UBR4: variants seen among roughly 807,000 people sequenced by gnomAD.
UBR4 encodes the protein ubiquitin protein ligase E3 component n-recognin 4.
In UBR4, 124 loss-of-function variants were observed where a neutral mutation model predicts 575.6. The ratio of observed to expected loss-of-function variants is 0.22; its 90% CI spans 0.19 to 0.25. UBR4 has a LOEUF of 0.25. Among genes scored for constraint, UBR4 ranks in the 10% least tolerant of loss-of-function variants. The probability of loss-of-function intolerance (pLI) is 1.00; values close to 1 mark genes in which losing one functional copy is unlikely to be tolerated. For synonymous variants in UBR4, 2,455 were observed against 2,473.7 expected (o/e 0.99, Z 0.22); for missense variants, 4,818 against 6,478.8 (o/e 0.74, Z 8.80).
chr1:19,083,659 C>T (rs1210442344), intron 102 of UBR4, among the ~76,000 whole-genome samples: 2 of 152,194 alleles, frequency 1.3e-5, no homozygotes, highest in Admixed American at 6.5e-5. Flanking sequence ...CTCAGTCTCC[C>T]GAATAGCTGG....
Position 19,081,435 on chromosome 1 carries a change from C to T in UBR4, c.15147G>A (p.Glu5049=). 1 of 1,614,088 alleles carries T rather than the reference C, an allele frequency of 6.2e-7. No homozygotes were observed. The highest frequency in any genetic ancestry group is 1.1e-5 in the South Asian group (1 of 91,080). The change falls in exon 103 of 106, where the codon GAG becomes GAA. Residue 5049 remains glutamate, a synonymous_variant. Transcript: ENST00000375254. ...TVLALHILPP[E]QWRATRVEIL... is the part of the protein sequence containing the mutation. Reference sequence around the variant, plus strand: ...TTTCCACACGTGTGGCTCTCCACTGCTCAGGGGGCAGGATGTGAAGGGCCA... The same window carrying T: ...TTTCCACACGTGTGGCTCTCCACTGTTCAGGGGGCAGGATGTGAAGGGCCA...
chr1:19,095,167 T>C, intron 93 of UBR4, 142 bp from the exon 94 acceptor site: 1 of 1,270,662 alleles, frequency 7.9e-7, no homozygotes, highest in Non-Finnish European at 1.1e-6. Flanking sequence ...TGTGCGTGTA[T>C]ATGCATGTTC....
chr1:19,091,803 C>T (rs1032365774), intron 97 of UBR4, among the ~76,000 whole-genome samples: 3 of 152,194 alleles, frequency 2.0e-5, no homozygotes, highest in Admixed American at 1.3e-4. Flanking sequence ...GCAGCAACTG[C>T]ACTCTTGGGC....
chr1:19,151,092 G>T (rs1216863605), intron 48 of UBR4: 1 of 440,680 alleles, frequency 2.3e-6, no homozygotes. Flanking sequence ...ACTCCCAGGG[G>T]TCTCTACACA....
At chr1:19,166,753 A>C (rs1443537490) in intron 29 of UBR4, among the ~76,000 whole-genome samples, 5 of 121,566 alleles carry the variant, frequency 4.1e-5, no homozygotes, top group Non-Finnish European at 8.5e-5. Flanking sequence ...AAAAAAAAAA[A>C]AAACCAGCTG....
intron 17 of UBR4, among the ~76,000 whole-genome samples, chr1:19,183,169 C>T (rs1337152923): frequency 6.6e-6 from 1 of 152,034 alleles, no homozygotes; most frequent in African/African-American, 2.4e-5. Flanking sequence ...GAATACTTTT[C>T]CTATGTTTAT....
In UBR4 at chr1:19,105,778, G is replaced by T; in HGVS notation, c.12458C>A (p.Ala4153Asp). ...QAACTIVEAL[A>D]TIPSRKQQVL... is the part of the protein sequence containing the mutation. The stretch of plus-strand genomic sequence containing the variant: ...CTGCTGCTTGCGGCTGGGAATGGTG[G>T]CTAGAGCTTCCACAATGGTACAGGC... Residue 4153 changes from alanine to aspartate, a missense_variant, in exon 84 of 106, where the codon GCC becomes GAC. Around this residue, in one of 29 missense-constraint regions of UBR4, gnomAD observed 178 missense variants for 175.5 expected, o/e 1.01. Transcript: ENST00000375254. 1 of 1,610,742 alleles carries T rather than the reference G, an allele frequency of 6.2e-7. No individual in the cohort carries two copies. The highest frequency in any genetic ancestry group is 8.5e-7 in the Non-Finnish European group (1 of 1,179,062).
At chr1:19,178,727 C>G (rs1268546003) in intron 18 of UBR4, among the ~76,000 whole-genome samples, 1 of 152,222 alleles carries the variant, frequency 6.6e-6, no homozygotes, top group East Asian at 1.9e-4. Flanking sequence ...ATGTTGAAAG[C>G]AAAATAACCA....
In UBR4 at chr1:19,151,664, C is replaced by A. The variant is rs55848569; in HGVS notation, c.7192G>T (p.Asp2398Tyr). ...TCACTGAAGAGGTTCAGCTTCTTATCAGCCTGCAGGGCTTCTTCTCTGGTG... is the reference window on the plus strand; with the variant it reads ...TCACTGAAGAGGTTCAGCTTCTTATAAGCCTGCAGGGCTTCTTCTCTGGTG... ...PFTREEALQA[D>Y]KKLNLFIGAS... is the part of the protein sequence containing the mutation. Residue 2398 changes from aspartate (D) to tyrosine (Y), a missense_variant, in exon 48 of 106, where the codon GAT becomes TAT. Asp to Tyr is a radical substitution (Grantham distance 160, BLOSUM62 -3). Coordinates refer to ENST00000375254, the MANE Select transcript of UBR4 (RefSeq NM_020765.3). 8.3e-5 allele frequency: 134 copies of A among 1,614,192 alleles called. No individual in the cohort carries two copies. The highest frequency in any genetic ancestry group is 1.1e-4 in the Non-Finnish European group (132 of 1,180,020).
chr1:19,198,107 C>G, intron 5 of UBR4, 58 bp from the exon 6 acceptor site: 1 of 1,526,050 alleles, frequency 6.6e-7, no homozygotes, highest in Non-Finnish European at 9.0e-7. Flanking sequence ...AACCAACTGT[C>G]AAAAGTGAGC....
rs767238342 is a variant in UBR4 at position 19,112,874 on chromosome 1, AC to A, written c.11458-8del. ...TGCGCGAAGCAAAGACTTTCTAAGA[AC>A]AAAAAGGCAACAATAATGGGAATTA... On this transcript the variant is annotated splice_region_variant and splice_polypyrimidine_tract_variant and intron_variant, in intron 77 of 105. Transcript: ENST00000375254. 6.4e-7 allele frequency: 1 copy of A among 1,551,712 alleles called. No homozygotes were observed. The highest frequency in any genetic ancestry group is 1.4e-5 in the African/African-American group (1 of 72,922).
chr1:19,166,703 T>C (rs1571348456), intron 29 of UBR4, among the ~76,000 whole-genome samples: 2 of 94,640 alleles, frequency 2.1e-5, no homozygotes, highest in East Asian at 3.4e-4. Flanking sequence ...CATGGCAAAC[T>C]CCATCTCTAC....
rs575826674 is a variant in UBR4 at position 19,177,606 on chromosome 1, G to A, written c.2492C>T (p.Ser831Leu). The change falls in exon 19 of 106, where the codon TCG becomes TTG. Residue 831 changes from serine to leucine, a missense_variant. Around this residue, in one of 29 missense-constraint regions of UBR4, gnomAD observed 1,172 missense variants for 1,259.7 expected, o/e 0.93. Coordinates refer to ENST00000375254, the MANE Select transcript of UBR4 (RefSeq NM_020765.3). Reference sequence around the variant, plus strand: ...CTCCTGGATGATCTGGACAAAAAGCGACAATATGGCCCGCCGGCCTGTCTC... The same window carrying A: ...CTCCTGGATGATCTGGACAAAAAGCAACAATATGGCCCGCCGGCCTGTCTC... ...FTETGRRAIL[S>L]LFVQIIQELS... is the part of the protein sequence containing the mutation. 20 of 1,613,886 alleles carry A rather than the reference G, an allele frequency of 1.2e-5. No homozygotes were observed. The highest frequency in any genetic ancestry group is 1.0e-4 in the Admixed American group (6 of 59,998).
chr1:19,079,394 G>T (rs2076266338), intron 103 of UBR4: 1 of 152,186 alleles, frequency 6.6e-6, no homozygotes, highest in Non-Finnish European at 1.5e-5. Flanking sequence ...GTCCTGGAAG[G>T]TGGACCCGTG....
chr1:19,173,772 G>A (rs1389857688), intron 22 of UBR4, 151 bp from the exon 23 acceptor site: 4 of 727,216 alleles, frequency 5.5e-6, no homozygotes, highest in East Asian at 5.4e-5. Context: ...CCATTCTCCA[G>A]ATCTTTCTAG....
chr1:19,157,892 T>G lies in UBR4; in HGVS notation c.5683A>C (p.Arg1895=). ...GAGAGCACACACATAGCCACCCGCCTGAGCACATGAGCACTGATCAGCTGC... is the reference window on the plus strand; with the variant it reads ...GAGAGCACACACATAGCCACCCGCCGGAGCACATGAGCACTGATCAGCTGC... ...IRQLISAHVL[R]RVAMCVLSSP... is the part of the protein sequence containing the mutation. The change falls in exon 40 of 106, where the codon AGG becomes CGG. Residue 1895 remains arginine, a synonymous_variant. Coordinates refer to ENST00000375254, the MANE Select transcript of UBR4 (RefSeq NM_020765.3). The surrounding 1 kb of genome is among the most constrained non-coding windows in gnomAD (Gnocchi z 4.4). 6.2e-7 allele frequency: 1 copy of G among 1,614,250 alleles called. No individual in the cohort carries two copies. Among genetic ancestry groups the G allele is most frequent in the Non-Finnish European group, 8.5e-7 (1 of 1,180,038 alleles).
chr1:19,199,834 T>G, intron 2 of UBR4, 80 bp from the exon 3 acceptor site: 1 of 1,280,008 alleles, frequency 7.8e-7, no homozygotes, highest in Non-Finnish European at 1.1e-6. Context: ...TATTGAGCTC[T>G]ATGTCCAACA....
intron 85 of UBR4, 69 bp from the exon 86 acceptor site, chr1:19,104,735 C>A (rs945589222): frequency 1.0e-5 from 15 of 1,503,256 alleles, no homozygotes; most frequent in African/African-American, 2.8e-5. Context: ...CCACCACTGT[C>A]CCAGGAGCTT....
chr1:19,119,613 G>T lies in UBR4; in HGVS notation c.10399C>A (p.Gln3467Lys). The T allele has an allele frequency of 6.2e-7, 1 of 1,614,102 alleles. No individual in the cohort carries two copies. The highest frequency in any genetic ancestry group is 8.5e-7 in the Non-Finnish European group (1 of 1,179,934). ...AAATATCCTAGTAGGTCCACAAACT[G>T]GGCAGCCTTACGACCATAGGCTGGG... ...ELPAYGRKAA[Q>K]FVDLLGYFSL... Residue 3467 changes from glutamine to lysine, a missense_variant, in exon 70 of 106, where the codon CAG (glutamine) becomes AAG (lysine). Coordinates refer to ENST00000375254, the MANE Select transcript of UBR4 (RefSeq NM_020765.3).
Sources: gnomAD v4.1 joint callset for allele counts (sites outside exome capture counted in the v4.1 genomes callset) on GRCh38, gnomAD v4.1.1 for gene constraint, gnomAD v4.1.1 regional missense constraint, Gnocchi (gnomAD v3.1) non-coding constraint, MANE v1.5 for transcripts, NCBI Gene and HGNC (gene_info 2026-07-23, HGNC 2026-07-21) for gene names.